Variants in TEX264 observed in about 807,000 individuals in gnomAD.
The protein encoded by TEX264 is testis expressed 264, ER-phagy receptor, also known as testis-expressed protein 264.
A neutral mutation model predicts 23.4 loss-of-function variants in TEX264; 13 were observed. The ratio of observed to expected loss-of-function variants is 0.56; its 90% confidence interval spans 0.36 to 0.88. The LOEUF (loss-of-function observed/expected upper bound fraction) is 0.88, where lower values mean the gene tolerates loss of function less well. Ranked by LOEUF, TEX264 falls within the 40% of genes least tolerant of loss-of-function variation. The pLI is 0.01. For synonymous variants in TEX264, 159 were observed against 170.0 expected (o/e 0.94, Z 0.50); for missense variants, 340 against 406.8 (o/e 0.84, Z 1.41).
chr3:51,703,580 T>C lies in TEX264; in HGVS notation c.650-144T>C, dbSNP rs569549400. On this transcript the variant is annotated intron_variant, in intron 4 of 4. Transcript: ENST00000341333. The surrounding 1 kb of genome is among the most constrained non-coding windows in gnomAD (Gnocchi z 4.8). ...CCTGTCTGTGCAGCCCCAGTCAGGG[T>C]AGAGGGCAGAGGGCAGCTGGAGCAA... The C allele has an allele frequency of 1.3e-4, 71 of 532,666 alleles. No individual in the cohort carries two copies. In the East Asian group the frequency reaches 3.5e-3, roughly 26 times the overall value. The allele number at this position is 532,666 out of a possible 1,614,324, so 33.0% of individuals were successfully genotyped here. A position where few individuals can be genotyped will look rare whatever the true frequency, so the allele number is the denominator to read the frequency against.
chr3:51,689,695 T>C (rs973202789), intron 3 of TEX264, among the ~76,000 whole-genome samples: 3 of 152,180 alleles, frequency 2.0e-5, no homozygotes, highest in African/African-American at 7.2e-5. Context: ...TTTGAAAACC[T>C]CTGTCCTAAG....
intron 2 of TEX264, among the ~76,000 whole-genome samples, chr3:51,676,110 A>G (rs900930113): frequency 1.3e-5 from 2 of 152,144 alleles, no homozygotes; most frequent in African/African-American, 4.8e-5. Flanking sequence ...GATGGGACAG[A>G]CAGTGGGCTA....
rs1702845207 is a variant in TEX264 at position 51,691,998 on chromosome 3, C to CA, written c.480+7364_480+7365insA. ...CCCTTTGTTGGCCTAGGCACTGGAA[C>CA]CTGCTCCTTAGCCTCTCTGGCTTTA... On this transcript the variant is annotated intron_variant, in intron 3 of 4. Coordinates refer to ENST00000341333, the MANE Select transcript of TEX264 (RefSeq NM_015926.6). The surrounding 1 kb of genome is among the most constrained non-coding windows in gnomAD (Gnocchi z 4.4). Among the ~76,000 whole-genome samples the CA allele has an allele frequency of 6.6e-6, 1 of 152,242 alleles. No individual in the cohort carries two copies. Among genetic ancestry groups the CA allele is most frequent in the Non-Finnish European group, 1.5e-5 (1 of 68,042 alleles).
chr3:51,693,754 A>T (rs1045298675), intron 3 of TEX264, among the ~76,000 whole-genome samples: 1 of 152,048 alleles, frequency 6.6e-6, no homozygotes, highest in Non-Finnish European at 1.5e-5. Flanking sequence ...TGCTGGGATG[A>T]CAGGCGTGAG....
At chr3:51,692,667 A>G (rs1346112195) in intron 3 of TEX264, among the ~76,000 whole-genome samples, 7 of 152,244 alleles carry the variant, frequency 4.6e-5, no homozygotes, top group Non-Finnish European at 1.0e-4. Context: ...GCTTGTGAGC[A>G]GGACAGGGCT....
intron 2 of TEX264, 101 bp downstream of exon 2, chr3:51,674,663 C>A: frequency 6.9e-7 from 1 of 1,438,946 alleles, no homozygotes; most frequent in Non-Finnish European, 9.4e-7. Flanking sequence ...GTGGGAGAAT[C>A]TTCAAGCTGG....
chr3:51,699,614 C>T (rs1559684118), intron 4 of TEX264, 40 bp downstream of exon 4: 1 of 1,603,740 alleles, frequency 6.2e-7, no homozygotes, highest in Admixed American at 1.7e-5. Context: ...CCTCCTGGAG[C>T]TCCTCTCTTC....
At chr3:51,693,327 C>T (rs1702897048) in intron 3 of TEX264, among the ~76,000 whole-genome samples, 1 of 152,156 alleles carries the variant, frequency 6.6e-6, no homozygotes, top group South Asian at 2.1e-4. Context: ...CACACCTTCC[C>T]ACTCCTGCAG....
Position 51,703,097 on chromosome 3 carries a change from T to C in TEX264, c.650-627T>C, listed in dbSNP as rs1703373012. Among the ~76,000 whole-genome samples, 1 of 152,172 alleles carries C rather than the reference T, an allele frequency of 6.6e-6. No individual in the cohort carries two copies. The highest frequency in any genetic ancestry group is 6.5e-5 in the Admixed American group (1 of 15,292). On this transcript the variant is annotated intron_variant, in intron 4 of 4. Coordinates refer to ENST00000341333, the MANE Select transcript of TEX264 (RefSeq NM_015926.6). The surrounding 1 kb of genome is among the most constrained non-coding windows in gnomAD (Gnocchi z 4.8). The stretch of plus-strand genomic sequence containing the variant: ...CCTCCTCCTTGCAGCTGGTTGAGTA[T>C]TTCTCAGGCCTTCTCCATCCTCCTC...
chr3:51,690,546 A>G (rs1215757280), intron 3 of TEX264, among the ~76,000 whole-genome samples: 1 of 149,166 alleles, frequency 6.7e-6, no homozygotes, highest in Non-Finnish European at 1.5e-5. Flanking sequence ...TGACAGAGCA[A>G]GACTCCGTCT....
At position 51,686,738 on chromosome 3, in the gene TEX264, G is replaced by A. The variant is rs1367307866; in HGVS notation, c.480+2104G>A. On this transcript the variant is annotated intron_variant, in intron 3 of 4. Transcript: ENST00000341333. The surrounding 1 kb of genome is among the most constrained non-coding windows in gnomAD (Gnocchi z 4.1). ...TACCAGTGCCCTAGGCCTGCTTAGT[G>A]TGCTGCCTCTGGGGAGTCCCGCCCC... 2.0e-5 allele frequency among the ~76,000 whole-genome samples: 3 copies of A among 152,048 alleles called. No homozygotes were observed. The highest frequency in any genetic ancestry group is 7.2e-5 in the African/African-American group (3 of 41,384).
At chr3:51,693,321 C>T (rs1181497106) in intron 3 of TEX264, among the ~76,000 whole-genome samples, 2 of 152,154 alleles carry the variant, frequency 1.3e-5, no homozygotes, top group Non-Finnish European at 2.9e-5. Flanking sequence ...CTCTCTCACA[C>T]CTTCCCACTC....
Position 51,684,584 on chromosome 3 carries a change from A to G in TEX264, c.430A>G (p.Ile144Val). The G allele has an allele frequency of 6.2e-7, 1 of 1,614,178 alleles. No homozygotes were observed. The highest frequency in any genetic ancestry group is 8.5e-7 in the Non-Finnish European group (1 of 1,180,026). ...CTTCCCCTACACCACCATTCTGTCC[A>G]TCTGGCTGGCTACCCGCCGTGTCCA... ...ATFPYTTILS[I>V]WLATRRVHPA... Residue 144 changes from isoleucine to valine, a missense_variant, in exon 3 of 5, where the codon ATC becomes GTC. Physicochemically the swap from Ile to Val is conservative, Grantham distance 29. Coordinates refer to ENST00000341333, the MANE Select transcript of TEX264 (RefSeq NM_015926.6).
At chr3:51,698,941 G>A (rs1192579918) in intron 3 of TEX264, among the ~76,000 whole-genome samples, 1 of 152,152 alleles carries the variant, frequency 6.6e-6, no homozygotes, top group African/African-American at 2.4e-5. Flanking sequence ...ATATCTGTGG[G>A]TCAGTCAGCG....
intron 3 of TEX264, among the ~76,000 whole-genome samples, chr3:51,692,831 C>A (rs1381798324): frequency 6.6e-6 from 1 of 152,252 alleles, no homozygotes; most frequent in South Asian, 2.1e-4. Context: ...GGCTGACTCA[C>A]CCAGTGCTCT....
intron 3 of TEX264, among the ~76,000 whole-genome samples, chr3:51,687,266 T>A (rs1039177220): frequency 6.6e-6 from 1 of 152,222 alleles, no homozygotes; most frequent in Non-Finnish European, 1.5e-5. Flanking sequence ...GTGTGGGGGT[T>A]GCCTCTGCCC....
At chr3:51,682,964 G>T (rs1429253566) in intron 2 of TEX264, 1 of 152,316 alleles carries the variant, frequency 6.6e-6, no homozygotes, top group Non-Finnish European at 1.5e-5. Context: ...GCCATTCAGG[G>T]CTGAGAAACC....
intron 2 of TEX264, chr3:51,681,953 T>C (rs1007215217): frequency 6.6e-6 from 1 of 152,250 alleles, no homozygotes; most frequent in Non-Finnish European, 1.5e-5. Flanking sequence ...CCACATGTGT[T>C]CTGGTGTCTT....
intron 2 of TEX264, chr3:51,682,859 T>C (rs1003491086): frequency 6.6e-6 from 1 of 152,210 alleles, no homozygotes; most frequent in Non-Finnish European, 1.5e-5. Flanking sequence ...GGGTGACCGT[T>C]AGGGTCTGCT....
Sources: allele counts gnomAD v4.1 joint callset (sites outside exome capture counted in the v4.1 genomes callset), GRCh38; gene constraint gnomAD v4.1.1; non-coding constraint Gnocchi (gnomAD v3.1); transcripts MANE v1.5; gene names NCBI Gene and HGNC (gene_info 2026-07-23, HGNC 2026-07-21).